Variants in RNMT observed in about 807,000 individuals in gnomAD.
RNMT encodes RNA guanine-7 methyltransferase.
RNMT carries 27 observed loss-of-function variants against 56.0 expected under a neutral mutation model. That is an observed-to-expected ratio of 0.48 (90% CI 0.36 to 0.67). The LOEUF is 0.67. Ranked by LOEUF, RNMT falls within the 30% of genes least tolerant of loss-of-function variation. The pLI, the probability that RNMT is intolerant of heterozygous loss-of-function variation, is 0.00. For missense variants in RNMT, 519 were observed against 552.1 expected (o/e 0.94, Z 0.60); for synonymous variants, 184 against 176.2 (o/e 1.04, Z -0.35).
chr18:13,729,248 G>A (rs1472743199), intron 1 of RNMT, among the ~76,000 whole-genome samples: 1 of 152,194 alleles, frequency 6.6e-6, no homozygotes, highest in East Asian at 1.9e-4. Context: ...CAAGTTGGCT[G>A]TAAACATGAT....
At chr18:13,747,875 C>T (rs975794766) in intron 9 of RNMT, among the ~76,000 whole-genome samples, 4 of 152,058 alleles carry the variant, frequency 2.6e-5, no homozygotes, top group Non-Finnish European at 5.9e-5. Context: ...GATAAGTCCC[C>T]CTGTCCCACA....
chr18:13,762,062 G>A lies in RNMT; in HGVS notation c.*2083G>A. ...AGGACTTACGGTAACTATTATGAGGGAGGCATGGCTTTCCACCGTCGGGCC... is the reference window on the plus strand; with the variant it reads ...AGGACTTACGGTAACTATTATGAGGAAGGCATGGCTTTCCACCGTCGGGCC... On this transcript the variant is annotated 3_prime_UTR_variant, in exon 12 of 12. Coordinates refer to ENST00000383314, the MANE Select transcript of RNMT (RefSeq NM_003799.3). The A allele has an allele frequency of 2.0e-6, 3 of 1,536,080 alleles. No homozygotes were observed. Among genetic ancestry groups the A allele is most frequent in the Non-Finnish European group, 2.6e-6 (3 of 1,146,878 alleles).
At chr18:13,750,741 C>T (rs1249335289) in intron 9 of RNMT, among the ~76,000 whole-genome samples, 1 of 151,722 alleles carries the variant, frequency 6.6e-6, no homozygotes, top group Non-Finnish European at 1.5e-5. Flanking sequence ...GCCAAGGTTG[C>T]AGTGAATGGA....
At chr18:13,746,515 G>C (rs1324851161) in intron 9 of RNMT, among the ~76,000 whole-genome samples, 178 bp downstream of exon 9, 1 of 152,210 alleles carries the variant, frequency 6.6e-6, no homozygotes. Context: ...CTTGATGAAA[G>C]AATGAGTACT....
In RNMT at chr18:13,761,406, GT is replaced by G; in HGVS notation, c.*1429del. On this transcript the variant is annotated 3_prime_UTR_variant, in exon 12 of 12. Coordinates refer to ENST00000383314, the MANE Select transcript of RNMT (RefSeq NM_003799.3). ...GGAAGTCTTCCTGTCACATATGCAG[GT>G]TCGTTTTCATTCTAGGGCAGTGCCA... The G allele has an allele frequency of 1.0e-6, 1 of 985,472 alleles. No individual in the cohort carries two copies. The highest frequency in any genetic ancestry group is 1.2e-6 in the Non-Finnish European group (1 of 829,972). The allele number at this position is 985,472 out of a possible 1,614,324, so 61.0% of individuals were successfully genotyped here.
At chr18:13,744,957 G>A (rs2044327800) in intron 8 of RNMT, among the ~76,000 whole-genome samples, 1 of 152,172 alleles carries the variant, frequency 6.6e-6, no homozygotes, top group Non-Finnish European at 1.5e-5. Flanking sequence ...TAAGGAAGGT[G>A]CCTGTAAAGA....
Position 13,726,728 on chromosome 18 carries a change from T to C in RNMT, c.-173T>C, listed in dbSNP as rs1488150074. 1 of 152,390 alleles carries C rather than the reference T, an allele frequency of 6.6e-6. No individual in the cohort carries two copies. The highest frequency in any genetic ancestry group is 1.5e-5 in the Non-Finnish European group (1 of 68,176). 9.4% of individuals were successfully genotyped at this position (152,390 alleles called of 1,614,324 possible). On this transcript the variant is annotated splice_region_variant and 5_prime_UTR_variant, in exon 1 of 12. Coordinates refer to ENST00000383314, the MANE Select transcript of RNMT (RefSeq NM_003799.3). ...CAAACAGAATCGCGTTTGGCTGTGC[T>C]GGTGAGTGTGACGGCTGGAACTCCG... is the stretch of plus-strand genomic sequence containing the variant.
At chr18:13,730,540 T>C (rs1187817000) in intron 1 of RNMT, 87 bp from the exon 2 acceptor site, 2 of 152,256 alleles carry the variant, frequency 1.3e-5, no homozygotes, top group Non-Finnish European at 2.9e-5. Flanking sequence ...CAACTTTATG[T>C]CTGTTTAAAA....
chr18:13,732,486 A>C (rs971442707), intron 3 of RNMT, among the ~76,000 whole-genome samples: 2 of 152,178 alleles, frequency 1.3e-5, no homozygotes, highest in Admixed American at 6.5e-5. Context: ...TCAGCTTCTT[A>C]TTAATGTATT....
rs904608443 is a variant in RNMT at position 13,762,549 on chromosome 18, T to C, written c.*2570T>C. ...AACATTGGGTGGAGACTCTCACTTATGTTAATGCAATCTTGAAATGACTGA... is the reference window on the plus strand; with the variant it reads ...AACATTGGGTGGAGACTCTCACTTACGTTAATGCAATCTTGAAATGACTGA... On this transcript the variant is annotated 3_prime_UTR_variant, in exon 12 of 12. Transcript: ENST00000383314. 1.9e-5 allele frequency: 4 copies of C among 206,566 alleles called. No individual in the cohort carries two copies. The highest frequency in any genetic ancestry group is 1.6e-4 in the Admixed American group (3 of 18,998). 12.8% of individuals were successfully genotyped at this position (206,566 alleles called of 1,614,324 possible).
At chr18:13,734,210 C>T (rs1247969558) in intron 3 of RNMT, among the ~76,000 whole-genome samples, 1 of 152,144 alleles carries the variant, frequency 6.6e-6, no homozygotes, top group African/African-American at 2.4e-5. Context: ...GTCCATTGAA[C>T]CTCTTTTTGT....
intron 5 of RNMT, among the ~76,000 whole-genome samples, chr18:13,737,728 A>G (rs1367444055): frequency 6.6e-6 from 1 of 152,032 alleles, no homozygotes; most frequent in African/African-American, 2.4e-5. Flanking sequence ...AAAAAAAAAT[A>G]GCAGTTGGAC....
In RNMT at chr18:13,760,277, G is replaced by A; in HGVS notation, c.*298G>A. The A allele has an allele frequency of 9.1e-7, 1 of 1,095,470 alleles. No individual in the cohort carries two copies. The highest frequency in any genetic ancestry group is 1.1e-6 in the Non-Finnish European group (1 of 900,326). 67.9% of individuals were successfully genotyped at this position (1,095,470 alleles called of 1,614,324 possible). On this transcript the variant is annotated 3_prime_UTR_variant, in exon 12 of 12. Coordinates refer to ENST00000383314, the MANE Select transcript of RNMT (RefSeq NM_003799.3). ...TAAAAATATAATATGACTTGATAAAGCAACTAAACTCTTTCCACAGTGTTC... is the reference window on the plus strand; with the variant it reads ...TAAAAATATAATATGACTTGATAAAACAACTAAACTCTTTCCACAGTGTTC...
rs1468250076 is a variant in RNMT, at chr18:13,760,112, A to G, written c.*133A>G. Reference sequence around the variant, plus strand: ...GTGCAGGATGCTGCCAGAAACTCCAATGTAGAAATTCAACATTTGCTGTCT... The same window carrying G: ...GTGCAGGATGCTGCCAGAAACTCCAGTGTAGAAATTCAACATTTGCTGTCT... On this transcript the variant is annotated 3_prime_UTR_variant, in exon 12 of 12. Coordinates refer to ENST00000383314, the MANE Select transcript of RNMT (RefSeq NM_003799.3). 31 of 1,405,900 alleles carry G rather than the reference A, an allele frequency of 2.2e-5. No individual in the cohort carries two copies. In the South Asian group the frequency reaches 3.4e-4, roughly 16 times the overall value. The allele number at this position is 1,405,900 out of a possible 1,614,324, so 87.1% of individuals were successfully genotyped here. A position where few individuals can be genotyped will look rare whatever the true frequency, so the allele number is the denominator to read the frequency against.
intron 4 of RNMT, among the ~76,000 whole-genome samples, chr18:13,736,526 G>T (rs2044160552): frequency 6.7e-6 from 1 of 149,368 alleles, no homozygotes. Context: ...TATTTCTCTT[G>T]GTGGTAAGCC....
intron 7 of RNMT, 139 bp downstream of exon 7, chr18:13,741,830 A>G: frequency 3.5e-6 from 2 of 563,958 alleles, no homozygotes; most frequent in Non-Finnish European, 5.9e-6. Flanking sequence ...TTGAGTAGAC[A>G]TTCAAAATTT....
At chr18:13,758,984 C>G (rs1319387359) in intron 11 of RNMT, among the ~76,000 whole-genome samples, 1 of 152,014 alleles carries the variant, frequency 6.6e-6, no homozygotes, top group African/African-American at 2.4e-5. Flanking sequence ...ATTAGTGGAG[C>G]AGTCAGAGCA....
At chr18:13,736,300 T>G (rs1412727123) in intron 4 of RNMT, among the ~76,000 whole-genome samples, 1 of 152,206 alleles carries the variant, frequency 6.6e-6, no homozygotes, top group East Asian at 1.9e-4. Flanking sequence ...TATCTAGGAT[T>G]CAGTATTGTA....
At chr18:13,753,507 A>C (rs1480747573) in intron 10 of RNMT, among the ~76,000 whole-genome samples, 1 of 136,300 alleles carries the variant, frequency 7.3e-6, no homozygotes, top group Non-Finnish European at 1.6e-5. Context: ...GCAATGGCTC[A>C]ACGCCTGTAA....
Sources: allele counts gnomAD v4.1 joint callset (sites outside exome capture counted in the v4.1 genomes callset), GRCh38; gene constraint gnomAD v4.1.1; transcripts MANE v1.5; gene names NCBI Gene and HGNC (gene_info 2026-07-23, HGNC 2026-07-21).